Variants in PAPPA observed in about 807,000 individuals in gnomAD.
The protein encoded by PAPPA is pappalysin 1.
Under a neutral mutation model 164.0 loss-of-function variants are expected in PAPPA, and 60 were observed. The ratio of observed to expected loss-of-function variants is 0.37; its 90% CI spans 0.30 to 0.45. The LOEUF (loss-of-function observed/expected upper bound fraction) is 0.45. Ranked by LOEUF, PAPPA falls within the 20% of genes least tolerant of loss-of-function variation. The pLI, the probability that PAPPA is intolerant of heterozygous loss-of-function variation, is 1.00. For synonymous variants in PAPPA, 875 were observed against 814.1 expected (o/e 1.07, Z -1.27); for missense variants, 1,782 against 2,087.3 (o/e 0.85, Z 2.85).
Position 116,260,689 on chromosome 9 carries a change from C to T in PAPPA, c.2733-5168C>T, listed in dbSNP as rs1270659548. 3.3e-5 allele frequency among the ~76,000 whole-genome samples: 5 copies of T among 152,140 alleles called. No individual in the cohort carries two copies. The East Asian group carries it at 9.6e-4, about 29-fold the overall frequency. On this transcript the variant is annotated intron_variant, in intron 7 of 21. Coordinates refer to ENST00000328252, the MANE Select transcript of PAPPA (RefSeq NM_002581.5). ...ACACAACACTCCTCCTTAAATTAGA[C>T]CCATGGATTGCAGAACTAATCATCA...
At chr9:116,248,234 C>T (rs966982270) in intron 7 of PAPPA, among the ~76,000 whole-genome samples, 1 of 152,098 alleles carries the variant, frequency 6.6e-6, no homozygotes, top group Admixed American at 6.5e-5. Context: ...TGTAACTGAG[C>T]TAAAGAAAAA....
intron 9 of PAPPA, among the ~76,000 whole-genome samples, chr9:116,298,575 T>G (rs1845539026): frequency 6.6e-6 from 1 of 152,148 alleles, no homozygotes; most frequent in Non-Finnish European, 1.5e-5. Flanking sequence ...TCCATTTCCT[T>G]CTCCCTAAGA....
At chr9:116,382,311 C>T (rs373169453) in intron 20 of PAPPA, 84 bp from the exon 21 acceptor site, 2 of 821,354 alleles carry the variant, frequency 2.4e-6, no homozygotes. Flanking sequence ...AGATGACAGA[C>T]ACCCGAAGGA....
At chr9:116,325,328 C>T (rs558789273) in intron 10 of PAPPA, among the ~76,000 whole-genome samples, 4 of 152,104 alleles carry the variant, frequency 2.6e-5, no homozygotes, top group African/African-American at 9.6e-5. Context: ...ACTATGAAAC[C>T]CTTGGTGGAT....
chr9:116,356,261 C>A (rs1846352428), intron 17 of PAPPA, among the ~76,000 whole-genome samples: 1 of 152,208 alleles, frequency 6.6e-6, no homozygotes, highest in South Asian at 2.1e-4. Context: ...TTAAGCTTCA[C>A]TTTTCTTGTG....
chr9:116,258,512 C>T (rs1436052339), intron 7 of PAPPA, among the ~76,000 whole-genome samples: 1 of 151,826 alleles, frequency 6.6e-6, no homozygotes, highest in Non-Finnish European at 1.5e-5. Context: ...CAAAATTAGC[C>T]AGGCGTGGTG....
chr9:116,188,062 C>A lies in PAPPA; in HGVS notation c.1324C>A (p.His442Asn), dbSNP rs1369535714. ...GGGCCACGACGGCGGGGATTGCCGC[C>A]ACCTGCGCCACCCTGCCTTCGTGAA... ...LTGHDGGDCRHLRHPAFVKKQ... is the reference protein window; with the variant it reads ...LTGHDGGDCRNLRHPAFVKKQ... Residue 442 changes from histidine (H) to asparagine (N), a missense_variant, in exon 2 of 22, where the codon CAC (histidine) becomes AAC (asparagine). Physicochemically the swap from His to Asn is moderately conservative, Grantham distance 68. Around this residue, in one of 2 missense-constraint regions of PAPPA, gnomAD observed 1,324 missense variants for 1,656.9 expected, o/e 0.80. Transcript: ENST00000328252. 1.2e-6 allele frequency: 2 copies of A among 1,614,086 alleles called. No homozygotes were observed. Among genetic ancestry groups the A allele is most frequent in the African/African-American group, 2.7e-5 (2 of 74,948 alleles).
intron 9 of PAPPA, among the ~76,000 whole-genome samples, chr9:116,294,162 A>T (rs990414330): frequency 6.6e-6 from 1 of 151,996 alleles, no homozygotes; most frequent in Non-Finnish European, 1.5e-5. Flanking sequence ...AGTTAGTGTG[A>T]TAATGTGATT....
At chr9:116,358,703 C>A (rs1341792196) in intron 17 of PAPPA, among the ~76,000 whole-genome samples, 1 of 152,208 alleles carries the variant, frequency 6.6e-6, no homozygotes, top group Non-Finnish European at 1.5e-5. Flanking sequence ...GAGAAGAAGT[C>A]TACTGCTTCT....
At chr9:116,165,146 G>C (rs1477171335) in intron 1 of PAPPA, among the ~76,000 whole-genome samples, 1 of 152,174 alleles carries the variant, frequency 6.6e-6, no homozygotes, top group East Asian at 1.9e-4. Context: ...TTCTACATTG[G>C]TAGATCCTCC....
chr9:116,165,497 G>A (rs992186197), intron 1 of PAPPA, among the ~76,000 whole-genome samples: 2 of 151,990 alleles, frequency 1.3e-5, no homozygotes, highest in African/African-American at 4.8e-5. Flanking sequence ...TCTCTTCTCT[G>A]TACCTTAAAT....
intron 9 of PAPPA, among the ~76,000 whole-genome samples, chr9:116,278,240 C>A (rs1342976725): frequency 1.3e-5 from 2 of 152,160 alleles, no homozygotes; most frequent in Non-Finnish European, 2.9e-5. Context: ...ACCCTCCCAG[C>A]AACTCTGTAG....
In PAPPA at chr9:116,391,266, G is replaced by T. The variant is rs10124434; in HGVS notation, c.4777-5243G>T. 6.5e-3 allele frequency among the ~76,000 whole-genome samples: 992 copies of T among 152,238 alleles called. 5 individuals are homozygous for T. Among genetic ancestry groups the T allele is most frequent in the African/African-American group, 0.018 (741 of 41,530 alleles). ...TCCTACCTTTAAGAAACTTACAGGG[G>T]AATCCTCGTCCTTGGCATCATGCCT... On this transcript the variant is annotated intron_variant, in intron 21 of 21. Coordinates refer to ENST00000328252, the MANE Select transcript of PAPPA (RefSeq NM_002581.5).
intron 3 of PAPPA, among the ~76,000 whole-genome samples, chr9:116,211,398 A>G (rs1315075272): frequency 1.3e-5 from 2 of 152,192 alleles, no homozygotes; most frequent in Non-Finnish European, 2.9e-5. Flanking sequence ...CTCTTTAAGC[A>G]TTGGCGTTTT....
rs934245091 is a variant in PAPPA, at chr9:116,339,455, G to A, written c.3611+4381G>A. Among the ~76,000 whole-genome samples, 5 of 152,066 alleles carry A rather than the reference G, an allele frequency of 3.3e-5. 1 individual carries two copies. Among genetic ancestry groups the A allele is most frequent in the African/African-American group, 4.8e-5 (2 of 41,412 alleles). ...CCATACCACACCACAATACACTGGC[G>A]CCTAGAAATCCAGGGTAAAGAACCT... On this transcript the variant is annotated intron_variant, in intron 13 of 21. Transcript: ENST00000328252.
chr9:116,243,008 T>G (rs1041393857), intron 7 of PAPPA, among the ~76,000 whole-genome samples: 4 of 152,242 alleles, frequency 2.6e-5, no homozygotes, highest in African/African-American at 9.6e-5. Context: ...AAGATGGGCC[T>G]CATCTTTAAT....
chr9:116,223,351 G>A (rs1288642917), intron 5 of PAPPA, among the ~76,000 whole-genome samples: 1 of 152,120 alleles, frequency 6.6e-6, no homozygotes, highest in African/African-American at 2.4e-5. Flanking sequence ...TCCTGTGTAT[G>A]TATTTAATTT....
intron 17 of PAPPA, among the ~76,000 whole-genome samples, chr9:116,358,694 A>T (rs1313958425): frequency 1.3e-5 from 2 of 152,124 alleles, no homozygotes; most frequent in Non-Finnish European, 2.9e-5. Flanking sequence ...TCTTCTAAGG[A>T]GAAGAAGTCT....
At chr9:116,182,707 A>C (rs1843921516) in intron 1 of PAPPA, among the ~76,000 whole-genome samples, 2 of 152,176 alleles carry the variant, frequency 1.3e-5, no homozygotes, top group African/African-American at 4.8e-5. Flanking sequence ...AGATGAGAAG[A>C]AAAAGAGGCA....
Sources: allele counts gnomAD v4.1 joint callset (sites outside exome capture counted in the v4.1 genomes callset), GRCh38; gene constraint gnomAD v4.1.1; regional missense constraint gnomAD v4.1.1; transcripts MANE v1.5; gene names NCBI Gene and HGNC (gene_info 2026-07-23, HGNC 2026-07-21).